Variants in RASSF3 observed in about 807,000 individuals in gnomAD.
The protein encoded by RASSF3 is ras association domain-containing protein 3.
In RASSF3, 19 loss-of-function variants were observed where a neutral mutation model predicts 19.9. The ratio of observed to expected loss-of-function variants is 0.96; its 90% CI spans 0.67 to 1.40. The LOEUF (loss-of-function observed/expected upper bound fraction) is 1.40, where lower values mean the gene tolerates loss of function less well. RASSF3 is among the 40% of genes most tolerant of loss of function. The pLI is 0.00. For synonymous variants in RASSF3, 110 were observed against 104.2 expected (o/e 1.06, Z -0.34); for missense variants, 306 against 289.8 (o/e 1.06, Z -0.41).
At chr12:64,635,095 A>T (rs1871291080) in intron 1 of RASSF3, among the ~76,000 whole-genome samples, 1 of 151,592 alleles carries the variant, frequency 6.6e-6, no homozygotes. Context: ...CTAGGACTAC[A>T]GGTACATACC....
At chr12:64,520,583 T>TATAC (rs1868457926) in intron 1 of RASSF3, among the ~76,000 whole-genome samples, 4 of 134,096 alleles carry the variant, frequency 3.0e-5, no homozygotes, top group East Asian at 2.2e-4. Context: ...TATATATATA[T>TATAC]ATATATATAT....
chr12:64,622,496 A>G (rs1411731461), intron 1 of RASSF3: 3 of 531,208 alleles, frequency 5.6e-6, no homozygotes, highest in Non-Finnish European at 1.2e-5. Flanking sequence ...AATTGCGATG[A>G]GAAAGGAATC....
chr12:64,616,379 G>T (rs946526485), intron 1 of RASSF3, among the ~76,000 whole-genome samples: 1 of 152,106 alleles, frequency 6.6e-6, no homozygotes, highest in East Asian at 1.9e-4. Flanking sequence ...CATGTCATAC[G>T]GTTAACATTC....
intron 1 of RASSF3, among the ~76,000 whole-genome samples, chr12:64,652,415 TC>T (rs1361264845): frequency 9.0e-5 from 8 of 88,412 alleles, no homozygotes; most frequent in African/African-American, 2.6e-4. Context: ...CCCCTCCCCC[TC>T]CCCCCCTCCT....
downstream of RASSF3, among the ~76,000 whole-genome samples, chr12:64,542,869 A>G (rs1414307092): frequency 6.6e-6 from 1 of 152,166 alleles, no homozygotes; most frequent in Non-Finnish European, 1.5e-5. Context: ...GCACTGTGGG[A>G]GCCCCTTCCT....
intron 1 of RASSF3, among the ~76,000 whole-genome samples, chr12:64,651,130 A>T (rs1021685588): frequency 6.6e-6 from 1 of 152,208 alleles, no homozygotes. Flanking sequence ...ACTGCATTTC[A>T]GACACATCTA....
chr12:64,654,874 A>G (rs1053425961), intron 1 of RASSF3: 4 of 148,266 alleles, frequency 2.7e-5, no homozygotes, highest in African/African-American at 1.1e-4. Context: ...AAAATAAAAT[A>G]AATAAAATAA....
intron 1 of RASSF3, among the ~76,000 whole-genome samples, chr12:64,627,101 A>G (rs1592429519): frequency 6.6e-6 from 1 of 152,236 alleles, no homozygotes; most frequent in Admixed American, 6.5e-5. Flanking sequence ...TAGATTATAG[A>G]TTATTACATA....
At chr12:64,515,026 T>A (rs565773181) in intron 1 of RASSF3, among the ~76,000 whole-genome samples, 30 of 149,682 alleles carry the variant, frequency 2.0e-4, no homozygotes, top group East Asian at 1.8e-3. Context: ...ATTTTATTTA[T>A]TTTATTTATT....
chr12:64,647,708 G>A (rs1232011973), intron 1 of RASSF3, among the ~76,000 whole-genome samples: 1 of 151,942 alleles, frequency 6.6e-6, no homozygotes. Flanking sequence ...ACCGCGCCCG[G>A]CCCCGGCCTT....
At chr12:64,534,007 C>T (rs1868770477) in intron 1 of RASSF3, among the ~76,000 whole-genome samples, 1 of 152,186 alleles carries the variant, frequency 6.6e-6, no homozygotes, top group South Asian at 2.1e-4. Flanking sequence ...GCCTGTAATC[C>T]TAGCACTTTG....
intron 1 of RASSF3, among the ~76,000 whole-genome samples, chr12:64,624,971 A>G (rs1454049853): frequency 3.3e-5 from 5 of 152,028 alleles, no homozygotes; most frequent in Admixed American, 2.6e-4. Context: ...CTGGCCAGCA[A>G]TAGTTATTTT....
intron 2 of RASSF3, among the ~76,000 whole-genome samples, chr12:64,589,086 C>T (rs907709952): frequency 2.0e-5 from 3 of 152,172 alleles, no homozygotes; most frequent in Non-Finnish European, 4.4e-5. Flanking sequence ...ACCAAATATG[C>T]TACATAAATC....
At chr12:64,665,437 A>G in intron 1 of RASSF3, among the ~76,000 whole-genome samples, 1 of 152,122 alleles carries the variant, frequency 6.6e-6, no homozygotes, top group Non-Finnish European at 1.5e-5. Flanking sequence ...TAGATTTTTA[A>G]CTTATTATTA....
chr12:64,566,299 C>T (rs533917642), intron 2 of RASSF3, among the ~76,000 whole-genome samples: 2 of 152,282 alleles, frequency 1.3e-5, no homozygotes, highest in African/African-American at 2.4e-5. Flanking sequence ...TTTTATTCAC[C>T]AAGGAATGCA....
intron 2 of RASSF3, among the ~76,000 whole-genome samples, chr12:64,560,705 G>A (rs1160528110): frequency 3.3e-5 from 5 of 152,174 alleles, no homozygotes; most frequent in African/African-American, 7.2e-5. Context: ...GACATTACTC[G>A]GGTTAGTCTG....
chr12:64,530,829 C>T (rs186511101), upstream of RASSF3, among the ~76,000 whole-genome samples: 336 of 152,274 alleles, frequency 2.2e-3, no homozygotes, highest in African/African-American at 7.8e-3. Flanking sequence ...TAATATTGAG[C>T]ATCTTTTCAT....
chr12:64,660,062 A>ATG (rs1555214887), intron 1 of RASSF3, among the ~76,000 whole-genome samples: 197 of 149,488 alleles, frequency 1.3e-3, no homozygotes, highest in South Asian at 3.0e-3. Flanking sequence ...GTATATATAT[A>ATG]TGTGTGTGTG....
intron 1 of RASSF3, among the ~76,000 whole-genome samples, chr12:64,620,405 G>A (rs543863670): frequency 2.0e-5 from 3 of 152,218 alleles, no homozygotes; most frequent in African/African-American, 7.2e-5. Context: ...CTGTGAACAG[G>A]GGTGTACAAA....
Sources: gnomAD v4.1 joint callset for allele counts (sites outside exome capture counted in the v4.1 genomes callset) on GRCh38, gnomAD v4.1.1 for gene constraint, MANE v1.5 for transcripts, NCBI Gene and HGNC (gene_info 2026-07-23, HGNC 2026-07-21) for gene names.